Variants in TNIK observed in about 807,000 individuals in gnomAD.
TNIK encodes the protein TRAF2 and NCK-interacting protein kinase.
In TNIK, 49 loss-of-function variants were observed where a neutral mutation model predicts 191.3. The ratio of observed to expected loss-of-function variants is 0.26; its 90% CI spans 0.20 to 0.32. TNIK has a LOEUF of 0.32. TNIK is among the 10% of genes least tolerant of loss of function. The pLI is 1.00. For synonymous variants in TNIK, 594 were observed against 600.9 expected (o/e 0.99, Z 0.17); for missense variants, 1,155 against 1,702.3 (o/e 0.68, Z 5.66).
At position 171,071,327 on chromosome 3, in the gene TNIK, T is replaced by C; in HGVS notation, c.3449-4A>G. ...AATTTGATCCTTTCATATTTAACTG[T>C]AATAGAAAAATTATGAGTGAAAAAG... On this transcript the variant is annotated splice_region_variant and splice_polypyrimidine_tract_variant and intron_variant, in intron 28 of 32. Transcript: ENST00000436636. The C allele has an allele frequency of 6.4e-7, 1 of 1,564,218 alleles. No individual in the cohort carries two copies. Among genetic ancestry groups the C allele is most frequent in the Non-Finnish European group, 8.7e-7 (1 of 1,153,224 alleles).
intron 2 of TNIK, among the ~76,000 whole-genome samples, chr3:171,246,130 C>T (rs568993624): frequency 6.6e-6 from 1 of 152,170 alleles, no homozygotes; most frequent in South Asian, 2.1e-4. Flanking sequence ...GATTGTTCTG[C>T]CTTATTCCCT....
chr3:171,447,708 C>A (rs1363041824), intron 1 of TNIK, among the ~76,000 whole-genome samples: 2 of 152,350 alleles, frequency 1.3e-5, no homozygotes, highest in East Asian at 3.9e-4. Flanking sequence ...CCTTAGAGAT[C>A]ATTCATACAC....
chr3:171,068,785 A>G (rs1202958412), intron 30 of TNIK, 63 bp downstream of exon 30: 14 of 1,491,512 alleles, frequency 9.4e-6, no homozygotes, highest in Non-Finnish European at 1.3e-5. Context: ...TGCAAAACAA[A>G]TCTCTTTCTA....
chr3:171,179,762 T>C (rs1189270773), intron 7 of TNIK, among the ~76,000 whole-genome samples: 3 of 152,180 alleles, frequency 2.0e-5, no homozygotes, highest in Non-Finnish European at 4.4e-5. Flanking sequence ...TACCTGGGGT[T>C]TTATGGTTGA....
chr3:171,289,681 C>T (rs1397470623), intron 2 of TNIK, among the ~76,000 whole-genome samples: 1 of 152,170 alleles, frequency 6.6e-6, no homozygotes, highest in Non-Finnish European at 1.5e-5. Flanking sequence ...GCAGGCAGAT[C>T]ACTTGAGGCC....
At chr3:171,424,416 TC>T (rs1203382069) in intron 1 of TNIK, among the ~76,000 whole-genome samples, 1 of 152,164 alleles carries the variant, frequency 6.6e-6, no homozygotes, top group Non-Finnish European at 1.5e-5. Context: ...ATGGTGGAAG[TC>T]GGTGTGGCAA....
At chr3:171,365,448 C>T (rs944078030) in intron 2 of TNIK, among the ~76,000 whole-genome samples, 8 of 152,046 alleles carry the variant, frequency 5.3e-5, no homozygotes, top group Admixed American at 2.0e-4. Context: ...TCCCAAAGTG[C>T]TGGGATTACA....
At chr3:171,437,668 C>T (rs1289351708) in intron 1 of TNIK, among the ~76,000 whole-genome samples, 1 of 152,236 alleles carries the variant, frequency 6.6e-6, no homozygotes, top group African/African-American at 2.4e-5. Flanking sequence ...GAGAGTAAAT[C>T]TGCCACCATG....
Position 171,206,535 on chromosome 3 carries a change from G to A in TNIK, c.306+4581C>T, listed in dbSNP as rs145469531. Reference sequence around the variant, plus strand: ...TAACACCATGCAGATGCCAGCAGGTGTGCTGCTTTCTCCAAGTACCTATCT... The same window carrying A: ...TAACACCATGCAGATGCCAGCAGGTATGCTGCTTTCTCCAAGTACCTATCT... On this transcript the variant is annotated intron_variant, in intron 4 of 32. Coordinates refer to ENST00000436636, the MANE Select transcript of TNIK (RefSeq NM_015028.4). 6.1e-4 allele frequency among the ~76,000 whole-genome samples: 93 copies of A among 152,126 alleles called. 1 individual carries two copies. In the East Asian group the frequency reaches 0.017, roughly 27 times the overall value.
chr3:171,064,795 T>C (rs547581797), intron 32 of TNIK, among the ~76,000 whole-genome samples: 4 of 152,362 alleles, frequency 2.6e-5, no homozygotes, highest in African/African-American at 9.6e-5. Flanking sequence ...TAACTTTTGT[T>C]AGGTAGTTGC....
At chr3:171,147,812 G>A (rs1731839621) in intron 12 of TNIK, among the ~76,000 whole-genome samples, 1 of 152,128 alleles carries the variant, frequency 6.6e-6, no homozygotes, top group Admixed American at 6.5e-5. Context: ...TCACTCGGTT[G>A]GTAAGTGCGA....
At chr3:171,098,966 T>G (rs1409197770) in intron 22 of TNIK, among the ~76,000 whole-genome samples, 1 of 152,210 alleles carries the variant, frequency 6.6e-6, no homozygotes. Context: ...CTCACATACA[T>G]AATCACATAT....
chr3:171,180,765 TTTAAC>T (rs1364065571), intron 7 of TNIK, among the ~76,000 whole-genome samples: 3 of 152,212 alleles, frequency 2.0e-5, no homozygotes, highest in Admixed American at 1.3e-4. Context: ...CCAGTTCTCT[TTTAAC>T]TAGCATCACA....
At chr3:171,253,205 A>G (rs1746441705) in intron 2 of TNIK, among the ~76,000 whole-genome samples, 1 of 150,824 alleles carries the variant, frequency 6.6e-6, no homozygotes, top group African/African-American at 2.4e-5. Context: ...AATGGCGTGA[A>G]CCCAGGAGGC....
At chr3:171,270,724 T>C (rs1287649682) in intron 2 of TNIK, among the ~76,000 whole-genome samples, 1 of 152,168 alleles carries the variant, frequency 6.6e-6, no homozygotes, top group Admixed American at 6.5e-5. Flanking sequence ...AAAATAGGGG[T>C]TGAATCCTAC....
At chr3:171,365,586 C>A (rs1191126648) in intron 2 of TNIK, among the ~76,000 whole-genome samples, 1 of 152,148 alleles carries the variant, frequency 6.6e-6, no homozygotes, top group Non-Finnish European at 1.5e-5. Context: ...AAGGCAGGAT[C>A]TCAGCACAAT....
At chr3:171,093,747 AAT>A in intron 23 of TNIK, 90 bp downstream of exon 23, 2 of 1,508,466 alleles carry the variant, frequency 1.3e-6, no homozygotes, top group Non-Finnish European at 1.8e-6. Flanking sequence ...CCATACTTAA[AAT>A]ACATGCCATA....
At chr3:171,399,954 G>A (rs1200494627) in intron 1 of TNIK, among the ~76,000 whole-genome samples, 1 of 152,166 alleles carries the variant, frequency 6.6e-6, no homozygotes, top group African/African-American at 2.4e-5. Context: ...TTGCCGAGCT[G>A]TTCTACTCTG....
intron 2 of TNIK, among the ~76,000 whole-genome samples, chr3:171,285,276 C>A (rs1750888634): frequency 6.6e-6 from 1 of 151,886 alleles, no homozygotes; most frequent in Admixed American, 6.6e-5. Context: ...TCATTTCTAC[C>A]CAAGACTGGA....
Sources: gnomAD v4.1 joint callset for allele counts (sites outside exome capture counted in the v4.1 genomes callset) on GRCh38, gnomAD v4.1.1 for gene constraint, MANE v1.5 for transcripts, NCBI Gene and HGNC (gene_info 2026-07-23, HGNC 2026-07-21) for gene names.